Variants in ULK4 observed in about 807,000 individuals in gnomAD.
The protein encoded by ULK4 is unc-51 like kinase 4, also known as inactive serine/threonine-protein kinase ULK4.
In ULK4, 133 loss-of-function variants were observed where a neutral mutation model predicts 160.6. That is an observed-to-expected ratio of 0.83 (90% CI 0.72 to 0.96). The LOEUF (loss-of-function observed/expected upper bound fraction) is 0.96. Ranked by LOEUF, ULK4 falls within the 40% of genes least tolerant of loss-of-function variation. The probability of loss-of-function intolerance (pLI) is 0.00; values close to 1 mark genes in which losing one functional copy is unlikely to be tolerated. For synonymous variants in ULK4, 534 were observed against 539.8 expected, an observed-to-expected ratio of 0.99 and a Z score of 0.15; for missense variants, 1,580 against 1,499.5, an observed-to-expected ratio of 1.05 and a Z score of -0.89.
chr3:41,745,149 C>T (rs748629572), intron 22 of ULK4, among the ~76,000 whole-genome samples: 5 of 150,788 alleles, frequency 3.3e-5, no homozygotes, highest in African/African-American at 4.9e-5. Flanking sequence ...TTTCTGCTTT[C>T]AGAAAGTAGA....
At chr3:41,626,403 T>A (rs2033508075) in intron 30 of ULK4, among the ~76,000 whole-genome samples, 1 of 152,190 alleles carries the variant, frequency 6.6e-6, no homozygotes, top group South Asian at 2.1e-4. Context: ...GAGATTCATC[T>A]ATGGAAGCTA....
At chr3:41,644,848 T>C (rs1204537824) in intron 30 of ULK4, among the ~76,000 whole-genome samples, 2 of 152,194 alleles carry the variant, frequency 1.3e-5, no homozygotes, top group Non-Finnish European at 2.9e-5. Context: ...TGGTAAGCTA[T>C]TGATTATTGC....
chr3:41,604,153 T>A (rs2032254570), intron 31 of ULK4, among the ~76,000 whole-genome samples: 1 of 151,780 alleles, frequency 6.6e-6, no homozygotes, highest in African/African-American at 2.4e-5. Context: ...GGTCCTCAGG[T>A]AGGAAAAAAG....
chr3:41,794,686 A>AAAAAAAAAAAAAAAAC lies in ULK4; in HGVS notation c.2011-4844_2011-4843insGTTTTTTTTTTTTTTT, dbSNP rs1553654814. On this transcript the variant is annotated intron_variant, in intron 20 of 36. Coordinates refer to ENST00000301831, the MANE Select transcript of ULK4 (RefSeq NM_017886.4). ...AAAAAAAAAAAAAAAAAAAAAAAAA[A>AAAAAAAAAAAAAAAAC]CACAGAAAAAAAAACCACAAACCTG... 5.9e-4 allele frequency among the ~76,000 whole-genome samples: 66 copies of AAAAAAAAAAAAAAAAC among 112,422 alleles called. 4 individuals are homozygous for AAAAAAAAAAAAAAAAC. The highest frequency in any genetic ancestry group is 2.3e-3 in the African/African-American group (56 of 24,160). 73.8% of individuals were successfully genotyped at this position (112,422 alleles called of 152,430 possible). A position where few individuals can be genotyped will look rare whatever the true frequency, so the allele number is the denominator to read the frequency against.
chr3:41,567,970 T>G (rs2087842804), intron 31 of ULK4, among the ~76,000 whole-genome samples: 1 of 152,142 alleles, frequency 6.6e-6, no homozygotes, highest in Non-Finnish European at 1.5e-5. Context: ...ACTAAGACAT[T>G]TACACTGATA....
chr3:41,802,569 G>A (rs185129904), intron 19 of ULK4, among the ~76,000 whole-genome samples: 15 of 152,184 alleles, frequency 9.9e-5, no homozygotes, highest in Admixed American at 5.2e-4. Context: ...AGAGTGCTGC[G>A]ATTACAAGCA....
chr3:41,351,550 C>G (rs1370511383), intron 35 of ULK4, among the ~76,000 whole-genome samples: 3 of 152,340 alleles, frequency 2.0e-5, no homozygotes, highest in Admixed American at 2.0e-4. Flanking sequence ...TGAGAGGGCA[C>G]TGCTTCATCT....
chr3:41,764,883 G>A (rs1029905457), intron 21 of ULK4, among the ~76,000 whole-genome samples: 2 of 152,318 alleles, frequency 1.3e-5, no homozygotes, highest in Middle Eastern at 3.4e-3. Context: ...TCTGTGAGAA[G>A]TATTCATTTA....
intron 21 of ULK4, among the ~76,000 whole-genome samples, chr3:41,758,451 A>G (rs1382913929): frequency 3.9e-5 from 6 of 152,204 alleles, no homozygotes; most frequent in African/African-American, 1.2e-4. Context: ...ACAAGGAGGT[A>G]TAGACAGTAT....
intron 34 of ULK4, among the ~76,000 whole-genome samples, chr3:41,411,929 T>A (rs4973877): frequency 0.57 from 86,771 of 151,836 alleles, 26,333 homozygotes; most frequent in African/African-American, 0.81. Flanking sequence ...TGTTTGGAAA[T>A]TTCTGGCCAA....
At chr3:41,644,882 G>T (rs2034408262) in intron 30 of ULK4, among the ~76,000 whole-genome samples, 1 of 152,158 alleles carries the variant, frequency 6.6e-6, no homozygotes, top group African/African-American at 2.4e-5. Flanking sequence ...ACTGTTACTG[G>T]TCTATTCAGA....
At chr3:41,250,366 G>A (rs114269932) in intron 35 of ULK4, among the ~76,000 whole-genome samples, 10 of 152,248 alleles carry the variant, frequency 6.6e-5, no homozygotes, top group African/African-American at 2.2e-4. Flanking sequence ...TGTAATAAAC[G>A]CTTGTATGGC....
intron 34 of ULK4, among the ~76,000 whole-genome samples, chr3:41,437,822 G>A (rs2083070589): frequency 6.6e-6 from 1 of 152,156 alleles, no homozygotes; most frequent in Non-Finnish European, 1.5e-5. Context: ...TAGCACCACA[G>A]AAAGACTTCT....
At chr3:41,354,823 G>A (rs1402758718) in intron 35 of ULK4, among the ~76,000 whole-genome samples, 1 of 152,186 alleles carries the variant, frequency 6.6e-6, no homozygotes, top group Non-Finnish European at 1.5e-5. Context: ...TTGCAGATGA[G>A]CACTTCTGTG....
chr3:41,911,552 G>C lies in ULK4; in HGVS notation c.1004C>G (p.Ser335Cys). 1 of 1,613,658 alleles carries C rather than the reference G, an allele frequency of 6.2e-7. No homozygotes were observed. Among genetic ancestry groups the C allele is most frequent in the Non-Finnish European group, 8.5e-7 (1 of 1,179,720 alleles). The change falls in exon 10 of 37, where the codon TCT becomes TGT. Residue 335 changes from serine to cysteine, a missense_variant. By Grantham distance (112) the Ser-to-Cys change is moderately radical. Coordinates refer to ENST00000301831, the MANE Select transcript of ULK4 (RefSeq NM_017886.4). Reference sequence around the variant, plus strand: ...CAAATAAAACTTACCTAGTCTGAAAGAGTGACCTAGTGGTTGACCACTCTT... The same window carrying C: ...CAAATAAAACTTACCTAGTCTGAAACAGTGACCTAGTGGTTGACCACTCTT... The part of the protein sequence containing the change: ...GHKSGQPLGH[S>C]FRLENPTEFR...
Position 41,249,488 on chromosome 3 carries a change from C to G in ULK4, c.3764+1G>C. 2 of 1,613,120 alleles carry G rather than the reference C, an allele frequency of 1.2e-6. No individual in the cohort carries two copies. Among genetic ancestry groups the G allele is most frequent in the Non-Finnish European group, 1.7e-6 (2 of 1,179,584 alleles). ...TGCTGATCCTCCTGGGTCCCACTTA[C>G]CCACTCCCAGGGGCCAGCCGCTCCA... is the stretch of plus-strand genomic sequence containing the variant. On this transcript the variant is annotated splice_donor_variant, in intron 36 of 36. Transcript: ENST00000301831. LOFTEE classifies it high-confidence loss of function.
chr3:41,579,006 G>A (rs2029971641), intron 31 of ULK4, among the ~76,000 whole-genome samples: 1 of 152,140 alleles, frequency 6.6e-6, no homozygotes, highest in East Asian at 1.9e-4. Flanking sequence ...TACTTATGGG[G>A]TTCTTGGCTA....
intron 16 of ULK4, among the ~76,000 whole-genome samples, chr3:41,884,293 G>A (rs903896361): frequency 9.2e-5 from 14 of 152,208 alleles, no homozygotes; most frequent in Non-Finnish European, 2.1e-4. Flanking sequence ...GCTGAGTACA[G>A]AGGCATTTGG....
At chr3:41,446,156 C>A (rs547656661) in intron 34 of ULK4, among the ~76,000 whole-genome samples, 19 of 152,198 alleles carry the variant, frequency 1.2e-4, no homozygotes, top group African/African-American at 4.6e-4. Flanking sequence ...CAGAGAAATG[C>A]AAATCAAAAC....
Sources: gnomAD v4.1 joint callset for allele counts (sites outside exome capture counted in the v4.1 genomes callset) on GRCh38, gnomAD v4.1.1 for gene constraint, MANE v1.5 for transcripts, NCBI Gene and HGNC (gene_info 2026-07-23, HGNC 2026-07-21) for gene names.